ADAMTSL1: variants seen among roughly 807,000 people sequenced by gnomAD.
ADAMTSL1 encodes the protein ADAMTS-like protein 1.
A neutral mutation model predicts 201.8 loss-of-function variants in ADAMTSL1; 126 were observed. The ratio of observed to expected loss-of-function variants is 0.62; its 90% CI spans 0.54 to 0.72. The LOEUF (loss-of-function observed/expected upper bound fraction) is 0.72, where lower values mean the gene tolerates loss of function less well. Among genes scored for constraint, ADAMTSL1 ranks in the 30% least tolerant of loss-of-function variants. ADAMTSL1 has a pLI of 0.00. For missense variants in ADAMTSL1, 2,679 were observed against 2,277.8 expected, an observed-to-expected ratio of 1.18 and a Z score of -3.59; for synonymous variants, 1,121 against 903.4, an observed-to-expected ratio of 1.24 and a Z score of -4.32.
intron 3 of ADAMTSL1, among the ~76,000 whole-genome samples, chr9:18,548,493 T>C (rs1820607678): frequency 6.6e-6 from 1 of 152,094 alleles, no homozygotes; most frequent in Non-Finnish European, 1.5e-5. Flanking sequence ...TACAGTGCTG[T>C]TGGATGTGAG....
At chr9:18,045,009 C>A (rs918610101) in intron 1 of ADAMTSL1, among the ~76,000 whole-genome samples, 7 of 152,026 alleles carry the variant, frequency 4.6e-5, no homozygotes. Context: ...GAATAGAGGC[C>A]AAAGCCCTGT....
chr9:18,044,965 G>A (rs1821598914), intron 1 of ADAMTSL1, among the ~76,000 whole-genome samples: 1 of 152,076 alleles, frequency 6.6e-6, no homozygotes, highest in South Asian at 2.1e-4. Flanking sequence ...TCCTAAATAT[G>A]TTTCATTATT....
chr9:18,775,810 G>C lies in ADAMTSL1; in HGVS notation c.2465G>C (p.Gly822Ala). The C allele has an allele frequency of 1.2e-6, 2 of 1,610,960 alleles. No individual in the cohort carries two copies. Among genetic ancestry groups the C allele is most frequent in the Non-Finnish European group, 1.7e-6 (2 of 1,178,502 alleles). ...SAICRKMLKT[G>A]LSTVVNSTLC... ...ATTTGCCGAAAGATGCTGAAAACCG[G>C]CCTCTCAACGGTTGTCAATTCCACC... Residue 822 changes from glycine to alanine, a missense_variant, in exon 18 of 29, where the codon GGC (glycine) becomes GCC (alanine). Transcript: ENST00000380548.
intron 2 of ADAMTSL1, among the ~76,000 whole-genome samples, chr9:18,450,930 G>C (rs1216237051): frequency 6.6e-6 from 1 of 152,178 alleles, no homozygotes; most frequent in African/African-American, 2.4e-5. Flanking sequence ...GGAAAGACAA[G>C]AACTGTAGTC....
At position 18,775,753 on chromosome 9, in the gene ADAMTSL1, G is replaced by C; in HGVS notation, c.2408G>C (p.Ser803Thr). The C allele has an allele frequency of 6.2e-7, 1 of 1,612,950 alleles. No homozygotes were observed. Residue 803 changes from serine to threonine, a missense_variant, in exon 18 of 29, where the codon AGC (serine) becomes ACC (threonine). Coordinates refer to ENST00000380548, the MANE Select transcript of ADAMTSL1 (RefSeq NM_001040272.6). Reference protein sequence around the residue: ...LLSDWTECSTSCGEGTQTRSA... With the variant: ...LLSDWTECSTTCGEGTQTRSA... ...TTCTTTCTCCACCAGTGTTCCACAA[G>C]CTGCGGGGAAGGCACCCAGACTCGA...
chr9:17,992,028 C>A (rs1229173309), intron 1 of ADAMTSL1, among the ~76,000 whole-genome samples: 1 of 152,128 alleles, frequency 6.6e-6, no homozygotes, highest in East Asian at 1.9e-4. Context: ...ATTGATTGCC[C>A]TTCCCTGCTC....
chr9:18,152,181 T>C (rs1484547120), intron 1 of ADAMTSL1, among the ~76,000 whole-genome samples: 2 of 152,084 alleles, frequency 1.3e-5, no homozygotes, highest in East Asian at 1.9e-4. Flanking sequence ...AACCAGGACT[T>C]CCACCCAGGT....
intron 14 of ADAMTSL1, among the ~76,000 whole-genome samples, chr9:18,707,382 G>T (rs774148891): frequency 2.0e-5 from 3 of 152,140 alleles, no homozygotes; most frequent in East Asian, 3.9e-4. Flanking sequence ...TTGTTTTTTT[G>T]ATCTCTGCCC....
chr9:18,381,838 C>T (rs536550723), intron 2 of ADAMTSL1, among the ~76,000 whole-genome samples: 1 of 151,826 alleles, frequency 6.6e-6, no homozygotes, highest in African/African-American at 2.4e-5. Flanking sequence ...ATCTCACCGT[C>T]ATCAGTAAGG....
At chr9:18,376,805 C>CA (rs902679600) in intron 2 of ADAMTSL1, among the ~76,000 whole-genome samples, 17 of 149,064 alleles carry the variant, frequency 1.1e-4, no homozygotes, top group Non-Finnish European at 1.9e-4. Flanking sequence ...GACACTGTCT[C>CA]AAAAAAAAAG....
At chr9:18,307,904 A>G (rs1833971773) in intron 2 of ADAMTSL1, among the ~76,000 whole-genome samples, 1 of 152,180 alleles carries the variant, frequency 6.6e-6, no homozygotes, top group African/African-American at 2.4e-5. Context: ...TCTTTTCAGC[A>G]CCACATAACA....
intron 5 of ADAMTSL1, among the ~76,000 whole-genome samples, chr9:18,627,764 G>C (rs1007014879): frequency 1.7e-4 from 26 of 151,960 alleles, no homozygotes; most frequent in African/African-American, 6.0e-4. Context: ...GACCTGATTA[G>C]CAATCTTAAT....
intron 1 of ADAMTSL1, among the ~76,000 whole-genome samples, chr9:18,482,755 A>G (rs1038553364): frequency 2.6e-5 from 4 of 152,190 alleles, no homozygotes; most frequent in African/African-American, 4.8e-5. Flanking sequence ...AGAATATTGT[A>G]CTTCATCAAT....
At chr9:18,639,563 C>A (rs1827318388) in intron 7 of ADAMTSL1, 152 bp downstream of exon 7, 2 of 814,138 alleles carry the variant, frequency 2.5e-6, no homozygotes, top group East Asian at 2.7e-5. Context: ...GTTGAGCTAG[C>A]TGCATCCTGG....
intron 4 of ADAMTSL1, among the ~76,000 whole-genome samples, chr9:18,605,984 C>A (rs1171242373): frequency 1.3e-5 from 2 of 152,132 alleles, no homozygotes; most frequent in Non-Finnish European, 2.9e-5. Context: ...GCTTTCTACC[C>A]CTTTCTGACA....
intron 20 of ADAMTSL1, among the ~76,000 whole-genome samples, chr9:18,811,312 C>T (rs904268301): frequency 2.6e-5 from 4 of 152,194 alleles, no homozygotes; most frequent in African/African-American, 9.7e-5. Flanking sequence ...GTGGAGACCA[C>T]ATGGGGAGCC....
chr9:18,129,727 G>C (rs1018606255), intron 1 of ADAMTSL1, among the ~76,000 whole-genome samples: 1 of 152,174 alleles, frequency 6.6e-6, no homozygotes, highest in African/African-American at 2.4e-5. Context: ...AATGGATGAC[G>C]ATTAAATTCC....
At chr9:18,576,436 A>G (rs1335675721) in intron 4 of ADAMTSL1, among the ~76,000 whole-genome samples, 1 of 152,216 alleles carries the variant, frequency 6.6e-6, no homozygotes, top group Non-Finnish European at 1.5e-5. Flanking sequence ...AAATGACAGC[A>G]TAGCTATAGA....
chr9:18,274,392 T>C (rs1832505105), intron 2 of ADAMTSL1, among the ~76,000 whole-genome samples: 1 of 152,204 alleles, frequency 6.6e-6, no homozygotes, highest in Non-Finnish European at 1.5e-5. Flanking sequence ...ACTGAGCTAA[T>C]ATTTCTTTCC....
Sources: allele counts gnomAD v4.1 joint callset (sites outside exome capture counted in the v4.1 genomes callset), GRCh38; gene constraint gnomAD v4.1.1; transcripts MANE v1.5; gene names NCBI Gene and HGNC (gene_info 2026-07-23, HGNC 2026-07-21).